Variants in ASAP2 observed in about 807,000 individuals in gnomAD.
The protein encoded by ASAP2 is ArfGAP with SH3 domain, ankyrin repeat and PH domain 2.
In ASAP2, 45 loss-of-function variants were observed where a neutral mutation model predicts 131.4. That is an observed-to-expected ratio of 0.34 (90% CI 0.27 to 0.44). ASAP2 has a LOEUF of 0.44. Among genes scored for constraint, ASAP2 ranks in the 20% least tolerant of loss-of-function variants. ASAP2 has a pLI of 1.00. For missense variants in ASAP2, 1,011 were observed against 1,297.0 expected (o/e 0.78, Z 3.39); for synonymous variants, 510 against 503.0 (o/e 1.01, Z -0.19).
chr2:9,313,358 G>A (rs912273370), intron 3 of ASAP2, among the ~76,000 whole-genome samples: 1 of 152,176 alleles, frequency 6.6e-6, no homozygotes, highest in Non-Finnish European at 1.5e-5. Flanking sequence ...AAACCAAATT[G>A]TGATGAATTT....
intron 12 of ASAP2, among the ~76,000 whole-genome samples, chr2:9,352,582 G>A (rs1672428303): frequency 2.6e-5 from 4 of 152,196 alleles, no homozygotes. Context: ...TGTATTCCCA[G>A]CCTCCACCTT....
chr2:9,206,969 C>T lies in ASAP2; in HGVS notation c.-136C>T. ...GCCGCCAGGCCCCGCGCGGCTCCCG[C>T]GCCCGGCGCTCCCCTTTGTCCGCGG... On this transcript the variant is annotated 5_prime_UTR_variant, in exon 1 of 28. Transcript: ENST00000281419. The surrounding 1 kb of genome is among the most constrained non-coding windows in gnomAD (Gnocchi z 4.0). 2.3e-6 allele frequency: 2 copies of T among 874,808 alleles called. No homozygotes were observed. The highest frequency in any genetic ancestry group is 2.7e-6 in the Non-Finnish European group (2 of 729,598). 54.2% of individuals were successfully genotyped at this position (874,808 alleles called of 1,614,324 possible).
intron 16 of ASAP2, among the ~76,000 whole-genome samples, 153 bp downstream of exon 16, chr2:9,368,672 C>T (rs1673676498): frequency 6.6e-6 from 1 of 152,178 alleles, no homozygotes; most frequent in African/African-American, 2.4e-5. Context: ...GTCACTTTAA[C>T]CTTTTGGGTG....
chr2:9,297,354 A>G lies in ASAP2; in HGVS notation c.254A>G (p.Asn85Ser). ...YTQALEKFGG[N>S]CVCRDDPDLG... ...CAGGCTCTGGAGAAGTTTGGCGGCA[A>G]CTGTGTATGCAGAGATGACCCAGAT... is the stretch of plus-strand genomic sequence containing the variant. Residue 85 changes from asparagine (N) to serine (S), a missense_variant, in exon 3 of 28, where the codon AAC (asparagine) becomes AGC (serine). This residue lies in a region of ASAP2 where 359 missense variants were observed against 598.1 expected (regional missense o/e 0.60). Transcript: ENST00000281419. 7 of 1,614,164 alleles carry G rather than the reference A, an allele frequency of 4.3e-6. No individual in the cohort carries two copies. Among genetic ancestry groups the G allele is most frequent in the Non-Finnish European group, 5.9e-6 (7 of 1,180,024 alleles).
In ASAP2 at chr2:9,344,545, G is replaced by A. The variant is rs753245751; in HGVS notation, c.863G>A (p.Arg288His). Residue 288 changes from arginine to histidine, a missense_variant, in exon 10 of 28, where the codon CGT becomes CAT. Arg to His is a conservative substitution (Grantham distance 29). Transcript: ENST00000281419. ...ACCATTTTTTAGGACTCCCAAATTCGTCAGAGCACAGCTTATAGCTTACAT... is the reference window on the plus strand; with the variant it reads ...ACCATTTTTTAGGACTCCCAAATTCATCAGAGCACAGCTTATAGCTTACAT... Reference protein sequence around the residue: ...QVEQKEDSQIRQSTAYSLHQP... With the variant: ...QVEQKEDSQIHQSTAYSLHQP... The A allele has an allele frequency of 1.3e-5, 21 of 1,613,690 alleles. No homozygotes were observed. Among genetic ancestry groups the A allele is most frequent in the East Asian group, 6.7e-5 (3 of 44,892 alleles).
chr2:9,274,608 C>T (rs1331435918), intron 1 of ASAP2, among the ~76,000 whole-genome samples: 1 of 152,040 alleles, frequency 6.6e-6, no homozygotes, highest in Non-Finnish European at 1.5e-5. Flanking sequence ...CAGGCATGAG[C>T]CACCGCGTCC....
At chr2:9,299,436 G>A (rs1668350073) in intron 3 of ASAP2, among the ~76,000 whole-genome samples, 1 of 152,190 alleles carries the variant, frequency 6.6e-6, no homozygotes, top group Admixed American at 6.5e-5. Flanking sequence ...GATATTTTCA[G>A]ACATGCAAGG....
At chr2:9,335,824 C>T (rs920576605) in intron 9 of ASAP2, among the ~76,000 whole-genome samples, 12 of 152,140 alleles carry the variant, frequency 7.9e-5, no homozygotes, top group African/African-American at 2.9e-4. Flanking sequence ...ATGTGGGTAT[C>T]ATAATGTGAA....
intron 24 of ASAP2, among the ~76,000 whole-genome samples, chr2:9,397,450 G>C (rs961896482): frequency 2.0e-5 from 3 of 152,244 alleles, no homozygotes; most frequent in Admixed American, 6.5e-5. Flanking sequence ...GGACAGACGG[G>C]GATGGACGGA....
chr2:9,242,076 A>G (rs1027428196), intron 1 of ASAP2, among the ~76,000 whole-genome samples: 1 of 152,208 alleles, frequency 6.6e-6, no homozygotes, highest in South Asian at 2.1e-4. Context: ...AAGGCATAAC[A>G]TGTACCTCAC....
chr2:9,326,764 G>A (rs1220702082), intron 6 of ASAP2, among the ~76,000 whole-genome samples: 1 of 152,140 alleles, frequency 6.6e-6, no homozygotes, highest in Non-Finnish European at 1.5e-5. Flanking sequence ...TGGCCGCACA[G>A]TATTTTCTGT....
intron 1 of ASAP2, among the ~76,000 whole-genome samples, chr2:9,247,184 A>G (rs1664396195): frequency 6.6e-6 from 1 of 152,304 alleles, no homozygotes; most frequent in East Asian, 1.9e-4. Flanking sequence ...TCCTGACAGC[A>G]GTCTGTCTGC....
chr2:9,334,039 C>CTTTTTTTT (rs35495550), intron 7 of ASAP2, among the ~76,000 whole-genome samples: 7 of 53,248 alleles, frequency 1.3e-4, no homozygotes, highest in African/African-American at 5.0e-4. Flanking sequence ...TGTCTTTCTC[C>CTTTTTTTT]TTTTTTTTTT....
At chr2:9,227,259 T>A (rs1314982184) in intron 1 of ASAP2, among the ~76,000 whole-genome samples, 1 of 152,172 alleles carries the variant, frequency 6.6e-6, no homozygotes, top group Non-Finnish European at 1.5e-5. Flanking sequence ...CCTAAGGGCA[T>A]GTGCTCTGTG....
chr2:9,378,755 T>G (rs1325106000), intron 18 of ASAP2, among the ~76,000 whole-genome samples, 189 bp from the exon 19 acceptor site: 1 of 152,242 alleles, frequency 6.6e-6, no homozygotes, highest in African/African-American at 2.4e-5. Context: ...GACCTTCTGC[T>G]AAGGCTTCCC....
intron 1 of ASAP2, among the ~76,000 whole-genome samples, chr2:9,226,852 C>T (rs1203790113): frequency 6.6e-6 from 1 of 152,124 alleles, no homozygotes; most frequent in Non-Finnish European, 1.5e-5. Context: ...ACCAGAAAGG[C>T]GGGAGGTCTG....
chr2:9,395,594 CTTTTTTTTTTTT>C, intron 24 of ASAP2, among the ~76,000 whole-genome samples: 727 of 58,968 alleles, frequency 0.012, no homozygotes, highest in Non-Finnish European at 0.022. Flanking sequence ...TGTTTTTTTT[CTTTTTTTTTTTT>C]TTTTTTTTTT....
chr2:9,214,030 G>T (rs1215415489), intron 1 of ASAP2, among the ~76,000 whole-genome samples: 1 of 152,220 alleles, frequency 6.6e-6, no homozygotes, highest in Non-Finnish European at 1.5e-5. Flanking sequence ...TTTCTATGCA[G>T]ACTACAGCAG....
chr2:9,263,389 G>A (rs1197465289), intron 1 of ASAP2, among the ~76,000 whole-genome samples: 4 of 152,214 alleles, frequency 2.6e-5, no homozygotes, highest in Non-Finnish European at 5.9e-5. Flanking sequence ...GCTGCCCCAC[G>A]CTGCCGTGTT....
Sources: gnomAD v4.1 joint callset for allele counts (sites outside exome capture counted in the v4.1 genomes callset) on GRCh38, gnomAD v4.1.1 for gene constraint, gnomAD v4.1.1 regional missense constraint, Gnocchi (gnomAD v3.1) non-coding constraint, MANE v1.5 for transcripts, NCBI Gene and HGNC (gene_info 2026-07-23, HGNC 2026-07-21) for gene names.